Variants in SLCO5A1 observed in about 807,000 individuals in gnomAD.
SLCO5A1 encodes solute carrier organic anion transporter family member 5A1.
Under a neutral mutation model 65.1 loss-of-function variants are expected in SLCO5A1, and 39 were observed. The ratio of observed to expected loss-of-function variants is 0.60; its 90% confidence interval spans 0.46 to 0.78. The LOEUF is 0.78. SLCO5A1 is among the 30% of genes least tolerant of loss of function. SLCO5A1 has a pLI of 0.00. For missense variants in SLCO5A1, 1,029 were observed against 1,069.4 expected (o/e 0.96, Z 0.53); for synonymous variants, 438 against 415.7 (o/e 1.05, Z -0.65).
chr8:69,719,979 G>T (rs192655866), intron 5 of SLCO5A1, among the ~76,000 whole-genome samples: 1 of 152,138 alleles, frequency 6.6e-6, no homozygotes, highest in African/African-American at 2.4e-5. Context: ...TTAATTTCCC[G>T]CAACAATTGG....
At chr8:69,827,653 G>C (rs1194948832) in intron 2 of SLCO5A1, among the ~76,000 whole-genome samples, 1 of 152,116 alleles carries the variant, frequency 6.6e-6, no homozygotes, top group African/African-American at 2.4e-5. Flanking sequence ...AAAACGGACA[G>C]GAAGATTAAG....
chr8:69,691,042 G>A (rs1162673785), intron 6 of SLCO5A1, among the ~76,000 whole-genome samples: 2 of 151,972 alleles, frequency 1.3e-5, no homozygotes, highest in Non-Finnish European at 2.9e-5. Flanking sequence ...CAGAGTGAGG[G>A]GCAATAACTC....
At chr8:69,798,322 A>T (rs1310776237) in intron 2 of SLCO5A1, among the ~76,000 whole-genome samples, 1 of 152,176 alleles carries the variant, frequency 6.6e-6, no homozygotes, top group Non-Finnish European at 1.5e-5. Flanking sequence ...CTCTAAAGAA[A>T]TACCTGAGAC....
intron 2 of SLCO5A1, among the ~76,000 whole-genome samples, chr8:69,774,295 A>C (rs771265489): frequency 1.3e-5 from 2 of 152,154 alleles, no homozygotes; most frequent in Non-Finnish European, 2.9e-5. Flanking sequence ...TACCTCCGCC[A>C]ATCCCACCCC....
intron 5 of SLCO5A1, among the ~76,000 whole-genome samples, chr8:69,718,899 A>G (rs1033491438): frequency 6.6e-6 from 1 of 152,180 alleles, no homozygotes; most frequent in Admixed American, 6.5e-5. Context: ...GGAGAAAGGA[A>G]AATGAGGAGT....
rs745386587 is a variant in SLCO5A1, at chr8:69,738,031, G to A, written c.1423+9C>T. On this transcript the variant is annotated intron_variant, in intron 5 of 9. Coordinates refer to ENST00000260126, the MANE Select transcript of SLCO5A1 (RefSeq NM_030958.3). Reference sequence around the variant, plus strand: ...ATGTTTTCAAGCAGCCCTAGCGGCAGTGCCTTACCAGTGTAGATGCTGGCA... The same window carrying A: ...ATGTTTTCAAGCAGCCCTAGCGGCAATGCCTTACCAGTGTAGATGCTGGCA... The A allele has an allele frequency of 2.5e-6, 4 of 1,612,404 alleles. No homozygotes were observed. In the South Asian group the frequency reaches 4.4e-5, roughly 18 times the overall value.
intron 3 of SLCO5A1, among the ~76,000 whole-genome samples, chr8:69,758,157 T>G (rs1817605447): frequency 6.6e-6 from 1 of 152,162 alleles, no homozygotes; most frequent in Admixed American, 6.6e-5. Context: ...TTTGTGTGTC[T>G]GGTTTGCTTT....
intron 2 of SLCO5A1, among the ~76,000 whole-genome samples, chr8:69,822,690 C>T (rs1212861811): frequency 2.6e-5 from 4 of 152,170 alleles, no homozygotes; most frequent in Admixed American, 6.5e-5. Flanking sequence ...GCAGAACACT[C>T]GCACACATGG....
intron 2 of SLCO5A1, among the ~76,000 whole-genome samples, chr8:69,830,019 A>G (rs779066744): frequency 2.0e-5 from 3 of 152,192 alleles, no homozygotes. Context: ...TATGTTTAAA[A>G]TTTTGTCTTA....
intron 2 of SLCO5A1, among the ~76,000 whole-genome samples, chr8:69,806,802 C>A (rs1820010639): frequency 1.3e-5 from 2 of 152,184 alleles, no homozygotes; most frequent in Admixed American, 1.3e-4. Flanking sequence ...AAGCATAAGA[C>A]CTCGGGAGCT....
chr8:69,793,821 A>C (rs1016045704), intron 2 of SLCO5A1, among the ~76,000 whole-genome samples: 7 of 151,584 alleles, frequency 4.6e-5, no homozygotes, highest in African/African-American at 4.8e-5. Context: ...AAATAAAATA[A>C]AATTTTTAAA....
chr8:69,694,272 T>C (rs2066695823), intron 6 of SLCO5A1, among the ~76,000 whole-genome samples: 1 of 152,218 alleles, frequency 6.6e-6, no homozygotes, highest in Non-Finnish European at 1.5e-5. Context: ...TGAGTTTGGA[T>C]AAATCACTTC....
intron 5 of SLCO5A1, among the ~76,000 whole-genome samples, chr8:69,721,865 G>A (rs1815834444): frequency 6.6e-6 from 1 of 152,080 alleles, no homozygotes; most frequent in Admixed American, 6.6e-5. Flanking sequence ...TAAGTGCTAT[G>A]ATTAAAAGAT....
intron 2 of SLCO5A1, among the ~76,000 whole-genome samples, chr8:69,820,119 T>C (rs1464288203): frequency 6.6e-6 from 1 of 152,248 alleles, no homozygotes; most frequent in East Asian, 1.9e-4. Flanking sequence ...AAATCTAAAA[T>C]CTGCCTTCTC....
At chr8:69,796,514 G>T (rs1819506657) in intron 2 of SLCO5A1, among the ~76,000 whole-genome samples, 2 of 151,994 alleles carry the variant, frequency 1.3e-5, no homozygotes, top group Non-Finnish European at 2.9e-5. Context: ...TACTCAGGAG[G>T]CTGTGGTGGG....
Position 69,832,918 on chromosome 8 carries a change from G to A in SLCO5A1, c.-245C>T. On this transcript the variant is annotated 5_prime_UTR_variant, in exon 2 of 10. Transcript: ENST00000260126. The surrounding 1 kb of genome is among the most constrained non-coding windows in gnomAD (Gnocchi z 4.5). ...AGGGGGCAGGGGTCCGCGCGGTACT[G>A]CGATGAGCCCTACTCGGCGTCCCTC... 1.9e-6 allele frequency: 1 copy of A among 536,204 alleles called. No individual in the cohort carries two copies. Among genetic ancestry groups the A allele is most frequent in the East Asian group, 3.4e-5 (1 of 29,572 alleles). The allele number at this position is 536,204 out of a possible 1,614,324, so 33.2% of individuals were successfully genotyped here.
chr8:69,689,322 T>C lies in SLCO5A1; in HGVS notation c.1623-6979A>G, dbSNP rs1024705021. Among the ~76,000 whole-genome samples the C allele has an allele frequency of 3.0e-4, 31 of 102,618 alleles. 3 individuals are homozygous for C. The highest frequency in any genetic ancestry group is 5.3e-4 in the Non-Finnish European group (28 of 53,054). The allele number at this position is 102,618 out of a possible 152,430, so 67.3% of individuals were successfully genotyped here. ...ACTCTGATGGTAGTTTCTTTTGCTGTGCAGAAGCTCTTTAGTTTAATTAGA... is the reference window on the plus strand; with the variant it reads ...ACTCTGATGGTAGTTTCTTTTGCTGCGCAGAAGCTCTTTAGTTTAATTAGA... On this transcript the variant is annotated intron_variant, in intron 6 of 9. Transcript: ENST00000260126.
At chr8:69,812,932 C>T (rs1233098591) in intron 2 of SLCO5A1, among the ~76,000 whole-genome samples, 1 of 152,118 alleles carries the variant, frequency 6.6e-6, no homozygotes, top group Non-Finnish European at 1.5e-5. Flanking sequence ...TGCTGCTGTC[C>T]TCCATCTAAG....
intron 2 of SLCO5A1, among the ~76,000 whole-genome samples, chr8:69,795,306 A>C (rs756174034): frequency 5.9e-5 from 9 of 152,198 alleles, no homozygotes; most frequent in Non-Finnish European, 1.2e-4. Flanking sequence ...CAGCCTATGA[A>C]CCTGTAAAAT....
Sources: gnomAD v4.1 joint callset for allele counts (sites outside exome capture counted in the v4.1 genomes callset) on GRCh38, gnomAD v4.1.1 for gene constraint, Gnocchi (gnomAD v3.1) non-coding constraint, MANE v1.5 for transcripts, NCBI Gene and HGNC (gene_info 2026-07-23, HGNC 2026-07-21) for gene names.